DCDC1: variants seen among roughly 807,000 people sequenced by gnomAD.
DCDC1 encodes doublecortin domain containing 1.
In DCDC1, 200 loss-of-function variants were observed where a neutral mutation model predicts 178.3. That is an observed-to-expected ratio of 1.12 (90% confidence interval 1.00 to 1.26). The LOEUF (loss-of-function observed/expected upper bound fraction) is 1.26. Among genes scored for constraint, DCDC1 ranks in the 50% most tolerant of loss-of-function variants. The pLI is 0.00. For missense variants in DCDC1, 1,983 were observed against 1,749.2 expected, an observed-to-expected ratio of 1.13 and a Z score of -2.38; for synonymous variants, 690 against 604.8, an observed-to-expected ratio of 1.14 and a Z score of -2.07.
chr11:31,186,934 C>T (rs1189472929), intron 9 of DCDC1, among the ~76,000 whole-genome samples: 1 of 152,146 alleles, frequency 6.6e-6, no homozygotes, highest in Non-Finnish European at 1.5e-5. Flanking sequence ...CCATTTTTCC[C>T]TCACTCTTGC....
chr11:31,057,010 T>A (rs1298285532), intron 20 of DCDC1, among the ~76,000 whole-genome samples: 1 of 152,026 alleles, frequency 6.6e-6, no homozygotes, highest in South Asian at 2.1e-4. Context: ...GGCAGGTGGA[T>A]GACTTGAGGT....
chr11:30,880,118 A>G (rs1220489397), intron 37 of DCDC1, among the ~76,000 whole-genome samples: 1 of 152,194 alleles, frequency 6.6e-6, no homozygotes, highest in Non-Finnish European at 1.5e-5. Context: ...GCTATTGACT[A>G]ATACTTACTG....
chr11:31,342,647 C>G lies in DCDC1; in HGVS notation c.-124-7083G>C, dbSNP rs1423666300. On this transcript the variant is annotated intron_variant, in intron 1 of 38. Transcript: ENST00000684477. ...TCTCTTCTAAAGCATCTTTAACAAC[C>G]ATTGTCTTTTGAAATCTTTCATAGG... Among the ~76,000 whole-genome samples, 4 of 152,184 alleles carry G rather than the reference C, an allele frequency of 2.6e-5. No homozygotes were observed. In the East Asian group the frequency reaches 5.8e-4, roughly 22 times the overall value.
chr11:31,064,430 G>C (rs144561560), intron 20 of DCDC1, 39 bp downstream of exon 20: 1 of 694,298 alleles, frequency 1.4e-6, no homozygotes, highest in African/African-American at 1.8e-5. Context: ...AATATCGAAT[G>C]TCATTGAGCA....
chr11:31,296,207 A>T (rs1419712709), intron 6 of DCDC1, among the ~76,000 whole-genome samples: 1 of 152,126 alleles, frequency 6.6e-6, no homozygotes, highest in South Asian at 2.1e-4. Context: ...AAAAGACACA[A>T]GTCCTTTTTC....
At chr11:31,044,246 G>A (rs1484421644) in intron 20 of DCDC1, among the ~76,000 whole-genome samples, 1 of 152,102 alleles carries the variant, frequency 6.6e-6, no homozygotes, top group East Asian at 1.9e-4. Context: ...GGGAGGCCAA[G>A]GCTGGCGGAT....
intron 20 of DCDC1, among the ~76,000 whole-genome samples, chr11:31,022,741 C>CGT (rs143601035): frequency 5.8e-4 from 74 of 127,574 alleles, no homozygotes; most frequent in East Asian, 4.0e-3. Context: ...ATAAATTATT[C>CGT]GTGTGTGTGT....
chr11:31,282,790 C>T (rs1262524239), intron 7 of DCDC1, among the ~76,000 whole-genome samples: 2 of 151,996 alleles, frequency 1.3e-5, no homozygotes, highest in Admixed American at 6.6e-5. Flanking sequence ...CCTGAGAATG[C>T]TTTTATTTCG....
intron 20 of DCDC1, among the ~76,000 whole-genome samples, chr11:31,018,207 T>C (rs1197797265): frequency 6.6e-6 from 1 of 152,218 alleles, no homozygotes; most frequent in African/African-American, 2.4e-5. Flanking sequence ...GGTTAACAAA[T>C]GTTTAATGGC....
chr11:31,085,917 A>T (rs956039641), intron 17 of DCDC1, among the ~76,000 whole-genome samples: 8 of 152,054 alleles, frequency 5.3e-5, no homozygotes, highest in Admixed American at 4.6e-4. Flanking sequence ...TTGTAGACAC[A>T]GGGTCTCACT....
intron 17 of DCDC1, among the ~76,000 whole-genome samples, chr11:31,080,144 T>C (rs901522939): frequency 2.4e-4 from 37 of 152,142 alleles, no homozygotes; most frequent in African/African-American, 8.4e-4. Context: ...AAAGAGAAGC[T>C]TTTTAAATTT....
At position 30,904,999 on chromosome 11, in the gene DCDC1, G is replaced by A. The variant is rs764255305; in HGVS notation, c.4270C>T (p.Arg1424Cys). The A allele has an allele frequency of 5.6e-6, 9 of 1,613,632 alleles. No individual in the cohort carries two copies. The Admixed American group carries it at 1.3e-4, about 24-fold the overall frequency. ...IIAYKNGDGYRNGKLIVAGTF... is the reference protein window; with the variant it reads ...IIAYKNGDGYCNGKLIVAGTF... ...CCAGCCACAATTAACTTCCCATTACGATACCCATCCCCATTTTTGTATGCA... is the reference window on the plus strand; with the variant it reads ...CCAGCCACAATTAACTTCCCATTACAATACCCATCCCCATTTTTGTATGCA... Residue 1424 changes from arginine to cysteine, a missense_variant, in exon 31 of 39, where the codon CGT (arginine) becomes TGT (cysteine). Arg to Cys is a radical substitution (Grantham distance 180, BLOSUM62 -3). Transcript: ENST00000684477.
intron 8 of DCDC1, among the ~76,000 whole-genome samples, chr11:31,241,987 T>C (rs1218190038): frequency 1.3e-5 from 2 of 152,022 alleles, no homozygotes; most frequent in Non-Finnish European, 2.9e-5. Flanking sequence ...GTAAGATCCA[T>C]GTTGTTTCTG....
chr11:31,027,403 C>A (rs1044219611), intron 20 of DCDC1, among the ~76,000 whole-genome samples: 1 of 151,748 alleles, frequency 6.6e-6, no homozygotes, highest in Non-Finnish European at 1.5e-5. Flanking sequence ...TTTTCTAAGT[C>A]GGCAGATAGT....
intron 21 of DCDC1, among the ~76,000 whole-genome samples, chr11:30,952,139 T>C (rs1045882928): frequency 2.0e-5 from 3 of 152,204 alleles, no homozygotes; most frequent in Admixed American, 2.0e-4. Flanking sequence ...AGTTTCTACA[T>C]AATAATAGAA....
At chr11:31,220,234 G>C (rs973494736) in intron 9 of DCDC1, among the ~76,000 whole-genome samples, 2 of 152,130 alleles carry the variant, frequency 1.3e-5, no homozygotes, top group African/African-American at 4.8e-5. Context: ...GAAGCATTTA[G>C]AAGAATCTTT....
chr11:31,111,116 G>T (rs1959167346), intron 11 of DCDC1, among the ~76,000 whole-genome samples: 1 of 152,118 alleles, frequency 6.6e-6, no homozygotes, highest in Non-Finnish European at 1.5e-5. Flanking sequence ...CACCAGGCAA[G>T]AAAGGAAGCA....
intron 27 of DCDC1, among the ~76,000 whole-genome samples, chr11:30,913,256 A>C: frequency 6.6e-6 from 1 of 151,978 alleles, no homozygotes; most frequent in East Asian, 1.9e-4. Context: ...AAAATACAAA[A>C]AATTAGCTGG....
chr11:31,332,352 T>G (rs1047341294), intron 2 of DCDC1, among the ~76,000 whole-genome samples: 2 of 152,186 alleles, frequency 1.3e-5, no homozygotes, highest in Non-Finnish European at 2.9e-5. Context: ...ATTGGTTTTT[T>G]GAAGGGATTT....
Sources: gnomAD v4.1 joint callset for allele counts (sites outside exome capture counted in the v4.1 genomes callset) on GRCh38, gnomAD v4.1.1 for gene constraint, MANE v1.5 for transcripts, NCBI Gene and HGNC (gene_info 2026-07-23, HGNC 2026-07-21) for gene names.